Variants in PSD2 observed in about 807,000 individuals in gnomAD.
PSD2 encodes the protein PH and SEC7 domain-containing protein 2.
Under a neutral mutation model 69.8 loss-of-function variants are expected in PSD2, and 38 were observed. The observed-to-expected ratio is 0.54, with a 90% confidence interval of 0.42 to 0.71. PSD2 has a LOEUF of 0.71. Ranked by LOEUF, PSD2 falls within the 30% of genes least tolerant of loss-of-function variation. The pLI, the probability that PSD2 is intolerant of heterozygous loss-of-function variation, is 0.00. For missense variants in PSD2, 943 were observed against 1,014.5 expected (o/e 0.93, Z 0.96); for synonymous variants, 412 against 423.0 (o/e 0.97, Z 0.32).
chr5:139,816,053 AT>A (rs1760116207), intron 4 of PSD2, among the ~76,000 whole-genome samples: 1 of 152,056 alleles, frequency 6.6e-6, no homozygotes, highest in Non-Finnish European at 1.5e-5. Flanking sequence ...GAGGAAAAAA[AT>A]ATCAAACCTC....
At chr5:139,773,962 T>A in the PSD2 span, among the ~76,000 whole-genome samples, 1 of 152,006 alleles carries the variant, frequency 6.6e-6, no homozygotes, top group Non-Finnish European at 1.5e-5. Flanking sequence ...GGTTTCAATG[T>A]CCCTTGATGT....
chr5:139,776,037 C>T, the PSD2 span, among the ~76,000 whole-genome samples: 3 of 152,220 alleles, frequency 2.0e-5, no homozygotes, highest in Admixed American at 6.5e-5. Flanking sequence ...AAGACGCCTC[C>T]CCAAGGTCCC....
upstream of PSD2, among the ~76,000 whole-genome samples, chr5:139,791,804 G>C (rs1759420430): frequency 6.6e-6 from 1 of 152,222 alleles, no homozygotes. Context: ...CTCAGCAACT[G>C]TGTTGGTGAC....
At chr5:139,761,402 G>T in the PSD2 span, among the ~76,000 whole-genome samples, 637 of 152,268 alleles carry the variant, frequency 4.2e-3, 5 homozygotes, top group African/African-American at 0.015. Context: ...GAGGATCTGG[G>T]CAAAGCTGAG....
chr5:139,772,221 C>T, the PSD2 span, among the ~76,000 whole-genome samples: 9 of 152,284 alleles, frequency 5.9e-5, no homozygotes, highest in East Asian at 9.6e-4. Context: ...CATTAGATCC[C>T]TCCTCCCGCT....
the PSD2 span, among the ~76,000 whole-genome samples, chr5:139,770,148 G>T: frequency 6.6e-6 from 1 of 152,186 alleles, no homozygotes; most frequent in African/African-American, 2.4e-5. Context: ...TGAGTGTAAG[G>T]TAAGCTTGTT....
chr5:139,839,711 G>A lies in PSD2; in HGVS notation c.1969-316G>A, dbSNP rs1458632846. On this transcript the variant is annotated intron_variant, in intron 13 of 14. Transcript: ENST00000274710. This position sits in a 1 kb window ranked among gnomAD's most constrained non-coding sequence, Gnocchi z 5.1. ...GTGCATATGAGCTGGGTTTTGTGTG[G>A]GGGTCATTGTGTGTCTGTGTCAGGG... Among the ~76,000 whole-genome samples, 1 of 152,248 alleles carries A rather than the reference G, an allele frequency of 6.6e-6. No individual in the cohort carries two copies. Among genetic ancestry groups the A allele is most frequent in the East Asian group, 1.9e-4 (1 of 5,202 alleles).
chr5:139,782,720 T>G, the PSD2 span, among the ~76,000 whole-genome samples: 1 of 152,000 alleles, frequency 6.6e-6, no homozygotes, highest in Non-Finnish European at 1.5e-5. Context: ...CTCGAACTCC[T>G]GAGCTCAGGC....
intron 7 of PSD2, among the ~76,000 whole-genome samples, chr5:139,824,297 G>A (rs1013507132): frequency 2.0e-5 from 3 of 152,176 alleles, no homozygotes; most frequent in African/African-American, 7.2e-5. Context: ...TGATGCCACA[G>A]CTGAAGAGAA....
intron 9 of PSD2, 84 bp from the exon 10 acceptor site, chr5:139,836,727 G>C (rs1253532407): frequency 2.8e-5 from 35 of 1,259,060 alleles, no homozygotes; most frequent in Admixed American, 5.5e-5. Context: ...CTGGCTCCTG[G>C]AGAGGAGGCT....
chr5:139,747,828 C>T, the PSD2 span, among the ~76,000 whole-genome samples: 1 of 152,246 alleles, frequency 6.6e-6, no homozygotes, highest in Non-Finnish European at 1.5e-5. The surrounding 1 kb of genome is among the most constrained non-coding windows in gnomAD (Gnocchi z 6.7). Context: ...CATCGCCCCG[C>T]CAAAGCAAGG....
intron 12 of PSD2, among the ~76,000 whole-genome samples, chr5:139,838,227 G>A (rs557995597): frequency 1.9e-4 from 29 of 152,334 alleles, no homozygotes; most frequent in African/African-American, 5.8e-4. Context: ...AAGGAGGCAG[G>A]CTAGTGGGTG....
chr5:139,781,503 T>C, the PSD2 span, among the ~76,000 whole-genome samples: 2 of 151,430 alleles, frequency 1.3e-5, no homozygotes, highest in Non-Finnish European at 1.5e-5. Flanking sequence ...GCCCGGCTAA[T>C]TTTTTGTATT....
intron 14 of PSD2, among the ~76,000 whole-genome samples, chr5:139,841,973 C>T (rs1760881555): frequency 2.0e-5 from 3 of 152,114 alleles, no homozygotes; most frequent in Admixed American, 1.3e-4. Context: ...TGATTGTATC[C>T]TGTGATGTAC....
At chr5:139,840,981 C>T (rs1027669290) in intron 14 of PSD2, among the ~76,000 whole-genome samples, 4 of 152,090 alleles carry the variant, frequency 2.6e-5, no homozygotes, top group Admixed American at 2.0e-4. Context: ...TGTTGTGTAA[C>T]CAATCTCCAC....
chr5:139,782,719 C>T, the PSD2 span, among the ~76,000 whole-genome samples: 80 of 152,170 alleles, frequency 5.3e-4, no homozygotes, highest in African/African-American at 1.6e-3. Flanking sequence ...TCTCGAACTC[C>T]TGAGCTCAGG....
Position 139,814,161 on chromosome 5 carries a change from C to A in PSD2, c.822-9C>A, listed in dbSNP as rs757482373. On this transcript the variant is annotated splice_polypyrimidine_tract_variant and intron_variant, in intron 3 of 14. Coordinates refer to ENST00000274710, the MANE Select transcript of PSD2 (RefSeq NM_032289.4). This position sits in a 1 kb window ranked among gnomAD's most constrained non-coding sequence, Gnocchi z 4.4. ...TGACGCTACTCTTCCACCCACCTTCCATCTGCAGTGACCCCAGCCTGAAGG... is the reference window on the plus strand; with the variant it reads ...TGACGCTACTCTTCCACCCACCTTCAATCTGCAGTGACCCCAGCCTGAAGG... 1.9e-6 allele frequency: 3 copies of A among 1,611,600 alleles called. No individual in the cohort carries two copies. In the South Asian group the frequency reaches 3.3e-5, roughly 18 times the overall value.
At chr5:139,842,149 T>C in intron 14 of PSD2, 122 bp from the exon 15 acceptor site, 1 of 741,084 alleles carries the variant, frequency 1.3e-6, no homozygotes, top group East Asian at 2.7e-5. Flanking sequence ...ACTGTTCATC[T>C]TCTTTTTAAT....
At chr5:139,747,761 C>T in the PSD2 span, among the ~76,000 whole-genome samples, 1 of 152,230 alleles carries the variant, frequency 6.6e-6, no homozygotes, top group Non-Finnish European at 1.5e-5. The surrounding 1 kb of genome is among the most constrained non-coding windows in gnomAD (Gnocchi z 6.7). Flanking sequence ...GAACGGCTTC[C>T]AGCGCTGGCC....
Sources: gnomAD v4.1 joint callset for allele counts (sites outside exome capture counted in the v4.1 genomes callset) on GRCh38, gnomAD v4.1.1 for gene constraint, Gnocchi (gnomAD v3.1) non-coding constraint, MANE v1.5 for transcripts, NCBI Gene and HGNC (gene_info 2026-07-23, HGNC 2026-07-21) for gene names.